KCNIP3: variants seen among roughly 807,000 people sequenced by gnomAD.
The protein encoded by KCNIP3 is calsenilin.
Under a neutral mutation model 35.0 loss-of-function variants are expected in KCNIP3, and 28 were observed. The ratio of observed to expected loss-of-function variants is 0.80; its 90% confidence interval spans 0.59 to 1.10. The LOEUF is 1.10. Ranked by LOEUF, KCNIP3 falls within the 50% of genes least tolerant of loss-of-function variation. The pLI is 0.00. For synonymous variants in KCNIP3, 134 were observed against 133.8 expected, an observed-to-expected ratio of 1.00 and a Z score of -0.01; for missense variants, 295 against 338.4, an observed-to-expected ratio of 0.87 and a Z score of 1.01.
chr2:95,306,380 G>A (rs1370483195), intron 1 of KCNIP3, among the ~76,000 whole-genome samples: 1 of 152,198 alleles, frequency 6.6e-6, no homozygotes, highest in African/African-American at 2.4e-5. Context: ...GATCTCTTGG[G>A]TGCCAGGCTG....
chr2:95,309,458 C>A (rs1678259269), intron 1 of KCNIP3, among the ~76,000 whole-genome samples: 1 of 147,148 alleles, frequency 6.8e-6, no homozygotes, highest in Non-Finnish European at 1.5e-5. Context: ...CAGTCTGGCT[C>A]TGTTGGCCTT....
At position 95,337,546 on chromosome 2, in the gene KCNIP3, C is replaced by A. The variant is rs183026193; in HGVS notation, c.181+27026C>A. ...CCTTTCTCTGCCATAACAGTTGAGG[C>A]TATAGCCCTTATTGAGTACCTCAAA... On this transcript the variant is annotated intron_variant, in intron 2 of 8. Coordinates refer to ENST00000295225, the MANE Select transcript of KCNIP3 (RefSeq NM_013434.5). Among the ~76,000 whole-genome samples the A allele has an allele frequency of 8.5e-5, 13 of 152,318 alleles. No homozygotes were observed. In the East Asian group the frequency reaches 2.5e-3, roughly 29 times the overall value.
chr2:95,379,801 G>A (rs1029996118), intron 5 of KCNIP3, among the ~76,000 whole-genome samples: 1 of 152,170 alleles, frequency 6.6e-6, no homozygotes, highest in South Asian at 2.1e-4. Context: ...GATGGGTCCC[G>A]ATTTTGCTTT....
chr2:95,383,669 G>T (rs1450126334), intron 8 of KCNIP3, among the ~76,000 whole-genome samples: 2 of 152,314 alleles, frequency 1.3e-5, no homozygotes, highest in Admixed American at 1.3e-4. Flanking sequence ...ACCTCAGGGG[G>T]CAGGATGCTG....
At chr2:95,329,261 A>AT (rs1678868826) in intron 2 of KCNIP3, among the ~76,000 whole-genome samples, 1 of 152,190 alleles carries the variant, frequency 6.6e-6, no homozygotes, top group Non-Finnish European at 1.5e-5. Flanking sequence ...TTCTTATCCC[A>AT]TAGCACTCCT....
chr2:95,324,737 C>G (rs1410236797), intron 2 of KCNIP3, among the ~76,000 whole-genome samples: 5 of 151,774 alleles, frequency 3.3e-5, no homozygotes, highest in South Asian at 4.2e-4. Context: ...ATGGTGAAAC[C>G]CCGTCTCTAC....
chr2:95,367,128 C>G (rs1679936013), intron 2 of KCNIP3, among the ~76,000 whole-genome samples: 1 of 152,018 alleles, frequency 6.6e-6, no homozygotes. Context: ...CAAAAACTAG[C>G]TAGGTGTGGT....
At chr2:95,333,942 C>T (rs911787028) in intron 2 of KCNIP3, among the ~76,000 whole-genome samples, 1 of 152,200 alleles carries the variant, frequency 6.6e-6, no homozygotes, top group African/African-American at 2.4e-5. Context: ...AGGCCATCTG[C>T]AAGACACACA....
intron 2 of KCNIP3, among the ~76,000 whole-genome samples, chr2:95,330,625 C>G (rs1678906409): frequency 1.3e-5 from 2 of 152,242 alleles, no homozygotes; most frequent in South Asian, 4.1e-4. Context: ...GACAGGCACA[C>G]AGTCACTAGA....
intron 2 of KCNIP3, among the ~76,000 whole-genome samples, chr2:95,345,953 CCT>C (rs1679345291): frequency 6.6e-6 from 1 of 152,216 alleles, no homozygotes; most frequent in Non-Finnish European, 1.5e-5. Flanking sequence ...GGCGTCTCCC[CCT>C]CTCTGCGGAG....
intron 1 of KCNIP3, among the ~76,000 whole-genome samples, chr2:95,299,501 C>T (rs1000693215): frequency 6.6e-6 from 1 of 152,212 alleles, no homozygotes; most frequent in African/African-American, 2.4e-5. Context: ...GAATTCTCAC[C>T]TCACTCCTAT....
intron 2 of KCNIP3, among the ~76,000 whole-genome samples, chr2:95,342,113 G>T (rs1679208106): frequency 6.6e-6 from 1 of 152,136 alleles, no homozygotes; most frequent in Non-Finnish European, 1.5e-5. Context: ...ACCCTGAGAT[G>T]AGAGAGTGCT....
intron 1 of KCNIP3, among the ~76,000 whole-genome samples, chr2:95,302,207 A>G (rs1233456364): frequency 2.0e-5 from 3 of 152,038 alleles, no homozygotes; most frequent in Non-Finnish European, 4.4e-5. Context: ...GGGGAGCCCC[A>G]CATCTGAGTA....
chr2:95,351,083 C>G (rs1166211217), intron 2 of KCNIP3, among the ~76,000 whole-genome samples: 2 of 152,266 alleles, frequency 1.3e-5, no homozygotes, highest in Non-Finnish European at 2.9e-5. Context: ...GGCCCCTGCC[C>G]CAAACCTGCG....
chr2:95,341,201 T>C (rs774032213), intron 2 of KCNIP3, among the ~76,000 whole-genome samples: 6 of 151,974 alleles, frequency 3.9e-5, no homozygotes, highest in African/African-American at 7.2e-5. Context: ...CGATACAGAG[T>C]GAGATCTTGT....
intron 1 of KCNIP3, 76 bp from the exon 2 acceptor site, chr2:95,310,279 C>T (rs764826335): frequency 6.4e-7 from 1 of 1,559,520 alleles, no homozygotes. Flanking sequence ...TCTAGGATAT[C>T]AGGGCAGCTC....
rs1452112553 is a variant in KCNIP3, at chr2:95,382,249, C to T, written c.556-128C>T. On this transcript the variant is annotated intron_variant, in intron 6 of 8. Coordinates refer to ENST00000295225, the MANE Select transcript of KCNIP3 (RefSeq NM_013434.5). The surrounding 1 kb of genome is among the most constrained non-coding windows in gnomAD (Gnocchi z 4.5). ...CCTGGAAGCGGACAGGCTTCTCTCT[C>T]CAGCTCGTCCGGCCCCTCGCACTCA... 1 of 520,562 alleles carries T rather than the reference C, an allele frequency of 1.9e-6. No individual in the cohort carries two copies. Among genetic ancestry groups the T allele is most frequent in the Non-Finnish European group, 3.4e-6 (1 of 295,738 alleles). 32.2% of individuals were successfully genotyped at this position (520,562 alleles called of 1,614,324 possible). A position where few individuals can be genotyped will look rare whatever the true frequency, so the allele number is the denominator to read the frequency against.
chr2:95,355,658 C>T (rs1177191937), intron 2 of KCNIP3, among the ~76,000 whole-genome samples: 1 of 152,176 alleles, frequency 6.6e-6, no homozygotes, highest in African/African-American at 2.4e-5. Context: ...ATCCATGTCC[C>T]TGCAAAGGAC....
rs112770984 is a variant in KCNIP3, at chr2:95,378,142, A to AT, written c.447+2942dup. Among the ~76,000 whole-genome samples the AT allele has an allele frequency of 1.8e-4, 27 of 151,856 alleles. No individual in the cohort carries two copies. The East Asian group carries it at 3.3e-3, about 19-fold the overall frequency. ...TGTTTCTCCTTGTTTTTTAATTTTT[A>AT]TTTTTTTTGTTTTATTTTTAGACAG... is the stretch of plus-strand genomic sequence containing the variant. On this transcript the variant is annotated intron_variant, in intron 5 of 8. Transcript: ENST00000295225. This position sits in a 1 kb window ranked among gnomAD's most constrained non-coding sequence, Gnocchi z 4.0.
Sources: gnomAD v4.1 joint callset for allele counts (sites outside exome capture counted in the v4.1 genomes callset) on GRCh38, gnomAD v4.1.1 for gene constraint, Gnocchi (gnomAD v3.1) non-coding constraint, MANE v1.5 for transcripts, NCBI Gene and HGNC (gene_info 2026-07-23, HGNC 2026-07-21) for gene names.